MARS1: variants seen among roughly 807,000 people sequenced by gnomAD.
MARS1 encodes the protein methionine--tRNA ligase, cytoplasmic.
In MARS1, 80 loss-of-function variants were observed where a neutral mutation model predicts 119.5. That is an observed-to-expected ratio of 0.67 (90% confidence interval 0.56 to 0.81). MARS1 has a LOEUF of 0.81. Among genes scored for constraint, MARS1 ranks in the 30% least tolerant of loss-of-function variants. The pLI, the probability that MARS1 is intolerant of heterozygous loss-of-function variation, is 0.00. For synonymous variants in MARS1, 418 were observed against 433.4 expected, an observed-to-expected ratio of 0.96 and a Z score of 0.44; for missense variants, 945 against 1,116.5, an observed-to-expected ratio of 0.85 and a Z score of 2.19.
intron 11 of MARS1, 188 bp from the exon 12 acceptor site, chr12:57,511,510 T>C: frequency 1.6e-6 from 1 of 608,772 alleles, no homozygotes; most frequent in South Asian, 2.0e-5. Context: ...CCAGGAGGTT[T>C]AGGCTGCAGT....
chr12:57,493,628 T>C (rs1195286993), intron 7 of MARS1, among the ~76,000 whole-genome samples: 7 of 36,746 alleles, frequency 1.9e-4, no homozygotes, highest in African/African-American at 1.6e-3. Flanking sequence ...TAATATATAT[T>C]ATATATAATT....
At chr12:57,511,629 ATG>A (rs1227046416) in intron 11 of MARS1, 67 bp from the exon 12 acceptor site, 29 of 1,546,600 alleles carry the variant, frequency 1.9e-5, no homozygotes, top group Non-Finnish European at 2.4e-5. Context: ...AAAAGGTTAT[ATG>A]TGTTTATCCT....
chr12:57,500,218 ATTTC>A (rs1876854507), intron 9 of MARS1, 99 bp from the exon 10 acceptor site: 3 of 919,314 alleles, frequency 3.3e-6, no homozygotes, highest in South Asian at 1.4e-5. Context: ...CTTCTGCCTG[ATTTC>A]TTTGTCACTG....
Position 57,512,222 on chromosome 12 carries a change from C to T in MARS1, c.1636-14C>T. 1.3e-5 allele frequency: 21 copies of T among 1,610,738 alleles called. No homozygotes were observed. Among genetic ancestry groups the T allele is most frequent in the Non-Finnish European group, 1.7e-5 (20 of 1,176,920 alleles). On this transcript the variant is annotated splice_polypyrimidine_tract_variant and intron_variant, in intron 13 of 20. Coordinates refer to ENST00000262027, the MANE Select transcript of MARS1 (RefSeq NM_004990.4). Reference sequence around the variant, plus strand: ...GGAGGTCTCAGGAAATCTCTCCTAACCACATTCCCCTAGGTGGACCTGTAT... The same window carrying T: ...GGAGGTCTCAGGAAATCTCTCCTAATCACATTCCCCTAGGTGGACCTGTAT...
At chr12:57,493,378 TATATAATATATTATATA>T (rs1876118483) in intron 7 of MARS1, among the ~76,000 whole-genome samples, 2 of 21,158 alleles carry the variant, frequency 9.5e-5, no homozygotes, top group South Asian at 3.7e-3. Context: ...TAATATATAT[TATATAATATATTATATA>T]TAATATATGT....
intron 7 of MARS1, among the ~76,000 whole-genome samples, chr12:57,495,409 C>T (rs894487768): frequency 5.5e-5 from 8 of 144,636 alleles, no homozygotes; most frequent in East Asian, 3.9e-4. Flanking sequence ...GACGGGGCGG[C>T]GGGGCAGAGG....
At chr12:57,508,607 G>A (rs996292221) in intron 11 of MARS1, among the ~76,000 whole-genome samples, 11 of 152,232 alleles carry the variant, frequency 7.2e-5, no homozygotes, top group South Asian at 4.1e-4. Flanking sequence ...CAGAGATGGC[G>A]GCAGTACAGT....
intron 1 of MARS1, 69 bp from the exon 2 acceptor site, chr12:57,488,950 C>A: frequency 8.0e-7 from 1 of 1,245,414 alleles, no homozygotes; most frequent in Non-Finnish European, 1.2e-6. Flanking sequence ...GCAAGGTTAT[C>A]CTAAGTTGAC....
intron 10 of MARS1, among the ~76,000 whole-genome samples, chr12:57,502,267 G>A (rs1402435957): frequency 6.6e-6 from 1 of 152,132 alleles, no homozygotes; most frequent in East Asian, 1.9e-4. Flanking sequence ...GTGGGATGCA[G>A]CCATACTGTT....
chr12:57,490,661 C>A lies in MARS1; in HGVS notation c.770+17C>A. 6.2e-7 allele frequency: 1 copy of A among 1,607,040 alleles called. No homozygotes were observed. Among genetic ancestry groups the A allele is most frequent in the Non-Finnish European group, 8.5e-7 (1 of 1,173,926 alleles). On this transcript the variant is annotated intron_variant, in intron 7 of 20. Transcript: ENST00000262027. ...GAATCCAGTGTGAGTAGACATGGCA[C>A]ATGTGAGTGGGGCTTGATTTTGTAG...
At chr12:57,511,530 T>C in intron 11 of MARS1, 168 bp from the exon 12 acceptor site, 2 of 651,632 alleles carry the variant, frequency 3.1e-6, no homozygotes, top group Non-Finnish European at 5.3e-6. Context: ...TGAGCTGTGA[T>C]TATGATTGCA....
At position 57,514,959 on chromosome 12, in the gene MARS1, G is replaced by C; in HGVS notation, c.2105G>C (p.Arg702Pro). 1 of 1,614,150 alleles carries C rather than the reference G, an allele frequency of 6.2e-7. No homozygotes were observed. The highest frequency in any genetic ancestry group is 1.6e-4 in the Middle Eastern group (1 of 6,062). The part of the protein sequence containing the change: ...YHQLLEKVRI[R>P]DALRSILTIS... ...CCTGCTTCCTCCCTTCCCAGGATCC[G>C]GGATGCCTTGCGCAGTATCCTCACC... is the stretch of plus-strand genomic sequence containing the variant. The change falls in exon 17 of 21, where the codon CGG (arginine) becomes CCG (proline). Residue 702 changes from arginine (R) to proline (P), a missense_variant. Coordinates refer to ENST00000262027, the MANE Select transcript of MARS1 (RefSeq NM_004990.4).
At chr12:57,514,498 T>C (rs1178980949) in intron 15 of MARS1, among the ~76,000 whole-genome samples, 2 of 152,158 alleles carry the variant, frequency 1.3e-5, no homozygotes, top group Non-Finnish European at 2.9e-5. Flanking sequence ...TACAGTTGTT[T>C]AACTTAATCA....
Position 57,498,517 on chromosome 12 carries a change from C to G in MARS1, c.985C>G (p.Pro329Ala). 6.2e-7 allele frequency: 1 copy of G among 1,614,170 alleles called. No individual in the cohort carries two copies. Among genetic ancestry groups the G allele is most frequent in the Non-Finnish European group, 8.5e-7 (1 of 1,180,012 alleles). The change falls in exon 9 of 21, where the codon CCC (proline) becomes GCC (alanine). Residue 329 changes from proline (P) to alanine (A), a missense_variant. Coordinates refer to ENST00000262027, the MANE Select transcript of MARS1 (RefSeq NM_004990.4). ...ETKALEEGLT[P>A]QEICDKYHII... ...CAAGGCTCTGGAGGAGGGACTAACC[C>G]CCCAGGAGATCTGCGACAAGTACCA...
chr12:57,507,058 CG>C (rs1227862653), intron 11 of MARS1, among the ~76,000 whole-genome samples: 1 of 149,182 alleles, frequency 6.7e-6, no homozygotes, highest in African/African-American at 2.5e-5. Flanking sequence ...TGACTCTTAA[CG>C]AGCATGCTGC....
At chr12:57,508,026 C>T (rs938238286) in intron 11 of MARS1, among the ~76,000 whole-genome samples, 25 of 151,810 alleles carry the variant, frequency 1.6e-4, no homozygotes, top group African/African-American at 5.3e-4. Context: ...CCAGAAAGGG[C>T]GGCGGGGCAG....
At chr12:57,508,354 A>C (rs1056740228) in intron 11 of MARS1, among the ~76,000 whole-genome samples, 1 of 152,096 alleles carries the variant, frequency 6.6e-6, no homozygotes, top group Non-Finnish European at 1.5e-5. Flanking sequence ...ACACCACTGC[A>C]CTCCAGCCTG....
chr12:57,497,837 G>A (rs1289020590), intron 7 of MARS1, among the ~76,000 whole-genome samples: 1 of 152,064 alleles, frequency 6.6e-6, no homozygotes, highest in Non-Finnish European at 1.5e-5. Context: ...CAGAGCCTAG[G>A]GAGAGTTTGA....
intron 7 of MARS1, among the ~76,000 whole-genome samples, chr12:57,494,827 A>T (rs1876504784): frequency 6.6e-6 from 1 of 152,100 alleles, no homozygotes; most frequent in African/African-American, 2.4e-5. Flanking sequence ...GTTGGGGGTA[A>T]GGTCATAGAT....
Sources: gnomAD v4.1 joint callset for allele counts (sites outside exome capture counted in the v4.1 genomes callset) on GRCh38, gnomAD v4.1.1 for gene constraint, MANE v1.5 for transcripts, NCBI Gene and HGNC (gene_info 2026-07-23, HGNC 2026-07-21) for gene names.